The following AKNAD1 variants were observed in gnomAD, a reference collection of about 807,000 sequenced individuals.
AKNAD1 encodes the protein protein AKNAD1.
In AKNAD1, 67 loss-of-function variants were observed where a neutral mutation model predicts 90.8. The observed-to-expected ratio is 0.74, with a 90% CI of 0.61 to 0.90. The LOEUF is 0.90. Ranked by LOEUF, AKNAD1 falls within the 40% of genes least tolerant of loss-of-function variation. The pLI is 0.00. For missense variants in AKNAD1, 957 were observed against 975.4 expected, an observed-to-expected ratio of 0.98 and a Z score of 0.25; for synonymous variants, 327 against 341.4, an observed-to-expected ratio of 0.96 and a Z score of 0.46.
chr1:108,851,105 G>A (rs1041943391), intron 2 of AKNAD1, among the ~76,000 whole-genome samples: 4 of 152,216 alleles, frequency 2.6e-5, no homozygotes, highest in African/African-American at 9.6e-5. Flanking sequence ...GCGAAGATAA[G>A]GTTGCTGCCC....
upstream of AKNAD1, chr1:108,858,006 T>C (rs1665096865): frequency 6.6e-6 from 1 of 152,610 alleles, no homozygotes; most frequent in Non-Finnish European, 1.5e-5. Flanking sequence ...AATGCTACAG[T>C]CAACACAAAG....
chr1:108,827,151 C>T (rs985647345), intron 11 of AKNAD1, 54 bp downstream of exon 11: 1 of 1,358,520 alleles, frequency 7.4e-7, no homozygotes, highest in African/African-American at 1.4e-5. Context: ...GCGAGCAGAC[C>T]CCATGGGGAG....
intron 1 of AKNAD1, among the ~76,000 whole-genome samples, chr1:108,855,643 G>A (rs985866546): frequency 2.6e-5 from 4 of 151,146 alleles, no homozygotes; most frequent in Non-Finnish European, 4.4e-5. Flanking sequence ...AAAATTAGTT[G>A]GGCATGGTGG....
intron 12 of AKNAD1, 34 bp downstream of exon 12, chr1:108,823,532 C>T (rs989089684): frequency 6.2e-7 from 1 of 1,611,802 alleles, no homozygotes; most frequent in Admixed American, 1.7e-5. Context: ...TGACTGTCCC[C>T]ACTCGCCTTT....
At chr1:108,844,376 CCATA>C (rs1664641750) in intron 5 of AKNAD1, among the ~76,000 whole-genome samples, 1 of 130,284 alleles carries the variant, frequency 7.7e-6, no homozygotes, top group Non-Finnish European at 1.6e-5. Context: ...CTCTCTCTCT[CCATA>C]TATATATATA....
chr1:108,835,482 G>C (rs1664353424), intron 7 of AKNAD1, among the ~76,000 whole-genome samples: 1 of 152,124 alleles, frequency 6.6e-6, no homozygotes, highest in South Asian at 2.1e-4. Flanking sequence ...GCACAGAGAG[G>C]TTGCATAACT....
At chr1:108,828,808 G>T (rs1403157868) in intron 10 of AKNAD1, among the ~76,000 whole-genome samples, 1 of 151,784 alleles carries the variant, frequency 6.6e-6, no homozygotes, top group Non-Finnish European at 1.5e-5. Flanking sequence ...TCACTCAAGT[G>T]CATGCAGTCC....
chr1:108,831,581 T>C (rs898367770), intron 9 of AKNAD1, among the ~76,000 whole-genome samples: 7 of 152,176 alleles, frequency 4.6e-5, no homozygotes, highest in Non-Finnish European at 1.0e-4. Flanking sequence ...GCATTTCCTC[T>C]GTGACTAAAG....
chr1:108,831,834 C>T lies in AKNAD1; in HGVS notation c.1747-1184G>A, dbSNP rs536902682. ...GTGGAGACAGTTTCACCATGTTGGC[C>T]GGGCTGGTCTTGAGCTCCTGACCTC... On this transcript the variant is annotated intron_variant, in intron 9 of 15. Transcript: ENST00000370001. Among the ~76,000 whole-genome samples, 25 of 152,122 alleles carry T rather than the reference C, an allele frequency of 1.6e-4. No homozygotes were observed. In the South Asian group the frequency reaches 2.7e-3, roughly 16 times the overall value.
chr1:108,820,714 G>T, intron 13 of AKNAD1, 88 bp from the exon 14 acceptor site: 2 of 680,350 alleles, frequency 2.9e-6, no homozygotes, highest in Non-Finnish European at 5.0e-6. Context: ...CTTTTTGTAT[G>T]AATGAAATAT....
chr1:108,816,390 G>A, intron 15 of AKNAD1, 88 bp from the exon 16 acceptor site: 2 of 1,405,232 alleles, frequency 1.4e-6, no homozygotes, highest in South Asian at 1.5e-5. Context: ...ACATTACAAG[G>A]TGGAATTTGG....
intron 6 of AKNAD1, among the ~76,000 whole-genome samples, chr1:108,842,812 T>G (rs1223174286): frequency 6.6e-6 from 1 of 152,082 alleles, no homozygotes; most frequent in Admixed American, 6.5e-5. Context: ...TTTCTAGGGT[T>G]TTCTTAGGCT....
chr1:108,826,554 C>T (rs996740546), intron 11 of AKNAD1, among the ~76,000 whole-genome samples: 1 of 151,514 alleles, frequency 6.6e-6, no homozygotes, highest in African/African-American at 2.4e-5. Context: ...GCAATTCTCA[C>T]GTAGCCAGTA....
intron 8 of AKNAD1, 145 bp downstream of exon 8, chr1:108,834,784 T>G: frequency 8.4e-6 from 11 of 1,305,396 alleles, no homozygotes; most frequent in Admixed American, 5.5e-5. Context: ...GTGGGGCAGG[T>G]GAGGAGCCAG....
rs1664037532 is a variant in AKNAD1 at position 108,827,377 on chromosome 1, A to T, written c.1839-75T>A. The stretch of plus-strand genomic sequence containing the variant: ...GATAGGGAAAGTTTTGGTAAAGTTG[A>T]AACGTTAAATTTTGTTATATTAGAG... On this transcript the variant is annotated intron_variant, in intron 10 of 15. Transcript: ENST00000370001. 2.0e-5 allele frequency: 23 copies of T among 1,158,762 alleles called. 2 individuals carry two copies. In the East Asian group the frequency reaches 5.6e-4, roughly 28 times the overall value. The allele number at this position is 1,158,762 out of a possible 1,614,324, so 71.8% of individuals were successfully genotyped here.
chr1:108,846,012 G>C (rs1664689626), intron 5 of AKNAD1, among the ~76,000 whole-genome samples: 1 of 152,192 alleles, frequency 6.6e-6, no homozygotes, highest in African/African-American at 2.4e-5. Flanking sequence ...GCAGAAGATA[G>C]GGCACAATTT....
chr1:108,844,352 G>A (rs1664640126), intron 5 of AKNAD1, among the ~76,000 whole-genome samples: 1 of 148,990 alleles, frequency 6.7e-6, no homozygotes, highest in East Asian at 1.9e-4. Context: ...AACAGAGCGA[G>A]ACTCCATCTC....
chr1:108,829,257 T>C (rs928775538), intron 10 of AKNAD1, among the ~76,000 whole-genome samples: 1 of 151,568 alleles, frequency 6.6e-6, no homozygotes, highest in African/African-American at 2.4e-5. Context: ...TGGTTGTGCT[T>C]GTCTTTCCAG....
At chr1:108,816,556 C>CA (rs1053402456) in intron 15 of AKNAD1, among the ~76,000 whole-genome samples, 1 of 152,104 alleles carries the variant, frequency 6.6e-6, no homozygotes, top group Admixed American at 6.5e-5. Flanking sequence ...GGTCAGCCGC[C>CA]AGCTGGGCTG....
Sources: gnomAD v4.1 joint callset for allele counts (sites outside exome capture counted in the v4.1 genomes callset) on GRCh38, gnomAD v4.1.1 for gene constraint, MANE v1.5 for transcripts, NCBI Gene and HGNC (gene_info 2026-07-23, HGNC 2026-07-21) for gene names.